The following RAD51B variants were observed in gnomAD, a reference collection of about 807,000 sequenced individuals.
RAD51B encodes the protein RAD51 paralog B.
RAD51B carries 38 observed loss-of-function variants against 42.2 expected under a neutral mutation model. The observed-to-expected ratio is 0.90, with a 90% CI of 0.70 to 1.18. The LOEUF (loss-of-function observed/expected upper bound fraction) is 1.18, where lower values mean the gene tolerates loss of function less well. Among genes scored for constraint, RAD51B ranks in the 50% most tolerant of loss-of-function variants. The pLI, the probability that RAD51B is intolerant of heterozygous loss-of-function variation, is 0.00. For synonymous variants in RAD51B, 154 were observed against 145.2 expected (o/e 1.06, Z -0.43); for missense variants, 373 against 400.7 (o/e 0.93, Z 0.59).
At chr14:67,953,158 C>A (rs1289578155) in intron 7 of RAD51B, among the ~76,000 whole-genome samples, 1 of 152,018 alleles carries the variant, frequency 6.6e-6, no homozygotes, top group Non-Finnish European at 1.5e-5. Flanking sequence ...ACTGTGTAGA[C>A]AAGACAGATC....
rs1385043895 is a variant in RAD51B at position 68,106,735 on chromosome 14, C to A, written c.757-185149C>A. ...CTCATAGTGATGATGATGATGATAA[C>A]CATTGCTGTCACTTATTGAGTCCTT... On this transcript the variant is annotated intron_variant, in intron 7 of 10. Coordinates refer to ENST00000471583, the MANE Select transcript of RAD51B (RefSeq NM_133510.4). Among the ~76,000 whole-genome samples, 8 of 151,794 alleles carry A rather than the reference C, an allele frequency of 5.3e-5. No homozygotes were observed. In the East Asian group the frequency reaches 1.3e-3, roughly 26 times the overall value.
chr14:68,425,323 A>G (rs2084806733), intron 9 of RAD51B, among the ~76,000 whole-genome samples: 1 of 152,252 alleles, frequency 6.6e-6, no homozygotes. Context: ...CCAAAACAGC[A>G]TACTTAAGTA....
intron 10 of RAD51B, among the ~76,000 whole-genome samples, chr14:68,493,833 A>AGG (rs1884280567): frequency 6.6e-6 from 1 of 152,244 alleles, no homozygotes; most frequent in Non-Finnish European, 1.5e-5. Flanking sequence ...TATAGATGTC[A>AGG]GGCGGGTTTT....
intron 7 of RAD51B, among the ~76,000 whole-genome samples, chr14:68,101,172 T>C (rs1444182445): frequency 6.6e-6 from 1 of 152,136 alleles, no homozygotes; most frequent in East Asian, 1.9e-4. Context: ...ACCAGGTCCC[T>C]CTCATGACAC....
chr14:68,195,929 C>CA (rs2079362842), intron 7 of RAD51B, among the ~76,000 whole-genome samples: 1 of 109,366 alleles, frequency 9.1e-6, no homozygotes, highest in Non-Finnish European at 1.9e-5. Context: ...AAAAAAACAA[C>CA]AATTAGGGGC....
At chr14:67,938,413 C>T (rs146952056) in intron 7 of RAD51B, among the ~76,000 whole-genome samples, 3 of 152,234 alleles carry the variant, frequency 2.0e-5, no homozygotes, top group Non-Finnish European at 2.9e-5. Context: ...AACTTAATTT[C>T]GATTTTGAAG....
At chr14:68,159,230 A>G (rs973515208) in intron 7 of RAD51B, among the ~76,000 whole-genome samples, 5 of 152,154 alleles carry the variant, frequency 3.3e-5, no homozygotes, top group Non-Finnish European at 2.9e-5. Flanking sequence ...CATGAATACT[A>G]TCATGTCTAC....
intron 10 of RAD51B, among the ~76,000 whole-genome samples, chr14:68,528,086 T>A (rs1015261673): frequency 2.0e-5 from 3 of 152,208 alleles, no homozygotes; most frequent in Non-Finnish European, 4.4e-5. Flanking sequence ...GTCCAACCTG[T>A]TGCTAAAGCC....
chr14:68,497,609 C>A, intron 10 of RAD51B: 1 of 814,228 alleles, frequency 1.2e-6, no homozygotes, highest in Non-Finnish European at 1.5e-6. Flanking sequence ...TGATGTGCAA[C>A]CAGCATCTCT....
chr14:68,050,673 T>C (rs2076377546), intron 7 of RAD51B, among the ~76,000 whole-genome samples: 1 of 152,088 alleles, frequency 6.6e-6, no homozygotes, highest in South Asian at 2.1e-4. Context: ...AAAATGCAGA[T>C]TTTTTTTGGA....
chr14:67,880,775 G>A lies in RAD51B; in HGVS notation c.453-5094G>A, dbSNP rs974113775. ...ATTGTAAATTTTACGTTGTTGGTGG[G>A]TGCTGGATTTTAACATATGTTTTTC... On this transcript the variant is annotated intron_variant, in intron 5 of 10. Transcript: ENST00000471583. 4.6e-5 allele frequency among the ~76,000 whole-genome samples: 7 copies of A among 151,986 alleles called. No homozygotes were observed. The South Asian group carries it at 1.2e-3, about 27-fold the overall frequency.
At chr14:68,679,258 TAAACAAAC>T (rs367940837) in intron 11 of RAD51B, among the ~76,000 whole-genome samples, 183 of 152,118 alleles carry the variant, frequency 1.2e-3, no homozygotes, top group African/African-American at 3.2e-3. Context: ...TTTGTAAGTT[TAAACAAAC>T]AAACAAACAA....
chr14:68,596,077 G>C (rs770325214), downstream of RAD51B: 165 of 1,022,074 alleles, frequency 1.6e-4, no homozygotes, highest in Non-Finnish European at 1.9e-4. Context: ...CTTATCCCAT[G>C]TCTATTCTCC....
At chr14:68,562,310 C>T (rs1889195674) in intron 10 of RAD51B, 1 of 985,320 alleles carries the variant, frequency 1.0e-6, no homozygotes, top group African/African-American at 1.7e-5. Context: ...CAAACCTCTG[C>T]CTGACGAAGG....
intron 10 of RAD51B, among the ~76,000 whole-genome samples, chr14:68,560,508 G>C (rs1489101435): frequency 6.6e-6 from 1 of 152,110 alleles, no homozygotes; most frequent in Non-Finnish European, 1.5e-5. Context: ...GGCTGAGGTG[G>C]GCGGATCACC....
chr14:68,178,106 C>T (rs112438453), intron 7 of RAD51B, among the ~76,000 whole-genome samples: 1 of 152,200 alleles, frequency 6.6e-6, no homozygotes, highest in African/African-American at 2.4e-5. Context: ...CCTGAGGCTG[C>T]TTCAACAAAC....
At chr14:68,374,223 C>T (rs2083319251) in intron 8 of RAD51B, among the ~76,000 whole-genome samples, 1 of 152,116 alleles carries the variant, frequency 6.6e-6, no homozygotes, top group South Asian at 2.1e-4. Context: ...TTCCTAGTGC[C>T]TAGGACAGGG....
chr14:68,090,229 T>G (rs2077067337), intron 7 of RAD51B, among the ~76,000 whole-genome samples: 1 of 152,194 alleles, frequency 6.6e-6, no homozygotes, highest in Admixed American at 6.5e-5. Context: ...AGCATTGATG[T>G]GCTTTAGCTC....
chr14:67,839,506 A>C (rs562876632), intron 4 of RAD51B, among the ~76,000 whole-genome samples: 2 of 152,080 alleles, frequency 1.3e-5, no homozygotes, highest in African/African-American at 4.8e-5. Context: ...CTGGTTTTAC[A>C]TGTGGTTTTT....
Sources: allele counts gnomAD v4.1 joint callset (sites outside exome capture counted in the v4.1 genomes callset), GRCh38; gene constraint gnomAD v4.1.1; transcripts MANE v1.5; gene names NCBI Gene and HGNC (gene_info 2026-07-23, HGNC 2026-07-21).